Variants in FZD3 observed in about 807,000 individuals in gnomAD.
FZD3 encodes the protein frizzled class receptor 3.
FZD3 carries 30 observed loss-of-function variants against 60.7 expected under a neutral mutation model. That is an observed-to-expected ratio of 0.49 (90% CI 0.37 to 0.67). The LOEUF (loss-of-function observed/expected upper bound fraction) is 0.67, where lower values mean the gene tolerates loss of function less well. Among genes scored for constraint, FZD3 ranks in the 30% least tolerant of loss-of-function variants. The pLI, the probability that FZD3 is intolerant of heterozygous loss-of-function variation, is 0.00. For missense variants in FZD3, 605 were observed against 838.7 expected, an observed-to-expected ratio of 0.72 and a Z score of 3.44; for synonymous variants, 246 against 275.2, an observed-to-expected ratio of 0.89 and a Z score of 1.05.
rs1459107925 is a variant in FZD3, at chr8:28,569,365, CTT to C, written c.*6357_*6358del. On this transcript the variant is annotated 3_prime_UTR_variant, in exon 8 of 8. Transcript: ENST00000240093. ...AAACTTGACTTCTACTCTTGCCTCT[CTT>C]TTGCAGTTAGCTGTGTAACTTTGGA... 6.7e-6 allele frequency: 1 copy of C among 149,912 alleles called. No homozygotes were observed. Among genetic ancestry groups the C allele is most frequent in the Non-Finnish European group, 1.5e-5 (1 of 67,552 alleles). The allele number at this position is 149,912 out of a possible 1,614,324, so 9.3% of individuals were successfully genotyped here. A position where few individuals can be genotyped will look rare whatever the true frequency, so the allele number is the denominator to read the frequency against.
At chr8:28,502,371 A>G (rs997951406) in intron 2 of FZD3, among the ~76,000 whole-genome samples, 1 of 152,210 alleles carries the variant, frequency 6.6e-6, no homozygotes, top group African/African-American at 2.4e-5. Flanking sequence ...TTCAAAATGA[A>G]TCAATTATAT....
intron 3 of FZD3, among the ~76,000 whole-genome samples, chr8:28,507,448 A>T (rs1165761544): frequency 2.0e-5 from 3 of 152,022 alleles, no homozygotes; most frequent in African/African-American, 7.2e-5. Flanking sequence ...TAGCTAACAT[A>T]CTCCTGCCAG....
chr8:28,509,410 T>C (rs930924208), intron 3 of FZD3, among the ~76,000 whole-genome samples: 4 of 152,058 alleles, frequency 2.6e-5, no homozygotes, highest in Admixed American at 6.5e-5. Context: ...GGTTTTTTTT[T>C]CCACTTAATA....
rs139570173 is a variant in FZD3 at position 28,551,739 on chromosome 8, G to T, written c.1541G>T (p.Arg514Leu). The change falls in exon 6 of 8, where the codon CGT (arginine) becomes CTT (leucine). Residue 514 changes from arginine (R) to leucine (L), a missense_variant. Transcript: ENST00000240093. ...GAATGGGCCAGTTTTTTTCATGGTC[G>T]TAGGAAAAAAGAGTAAGTTGAAATA... ...CFEWASFFHG[R>L]RKKEIVNESR... The T allele has an allele frequency of 1.2e-6, 2 of 1,601,444 alleles. No individual in the cohort carries two copies. Among genetic ancestry groups the T allele is most frequent in the Non-Finnish European group, 1.7e-6 (2 of 1,176,746 alleles).
chr8:28,495,634 G>C (rs1803824317), intron 1 of FZD3, among the ~76,000 whole-genome samples: 1 of 152,032 alleles, frequency 6.6e-6, no homozygotes, highest in African/African-American at 2.4e-5. Context: ...ATTAAGAAGT[G>C]GTTACTCCTG....
At chr8:28,508,673 G>A (rs1310741985) in intron 3 of FZD3, among the ~76,000 whole-genome samples, 4 of 148,162 alleles carry the variant, frequency 2.7e-5, no homozygotes, top group Non-Finnish European at 5.9e-5. Flanking sequence ...GCTAATTTTT[G>A]TGTTTTTTGT....
At chr8:28,505,645 C>T (rs1804119396) in intron 3 of FZD3, among the ~76,000 whole-genome samples, 1 of 152,220 alleles carries the variant, frequency 6.6e-6, no homozygotes. Flanking sequence ...GCCACCGCGC[C>T]TGGCTGGAGT....
chr8:28,563,457 C>G lies in FZD3; in HGVS notation c.*446C>G, dbSNP rs1805652359. The G allele has an allele frequency of 6.3e-6, 1 of 159,828 alleles. No homozygotes were observed. The highest frequency in any genetic ancestry group is 2.4e-5 in the African/African-American group (1 of 41,488). 9.9% of individuals were successfully genotyped at this position (159,828 alleles called of 1,614,324 possible). A position where few individuals can be genotyped will look rare whatever the true frequency, so the allele number is the denominator to read the frequency against. On this transcript the variant is annotated 3_prime_UTR_variant, in exon 8 of 8. Transcript: ENST00000240093. ...TTTACTTCTCAGATGAACAGTAGGACTTTGTAGTTTTATTTCCACTAAGTG... is the reference window on the plus strand; with the variant it reads ...TTTACTTCTCAGATGAACAGTAGGAGTTTGTAGTTTTATTTCCACTAAGTG...
intron 3 of FZD3, among the ~76,000 whole-genome samples, chr8:28,512,892 T>G (rs1389205283): frequency 6.6e-6 from 1 of 152,198 alleles, no homozygotes; most frequent in East Asian, 1.9e-4. Flanking sequence ...TTATTAACAT[T>G]TTATGGATAG....
intron 3 of FZD3, among the ~76,000 whole-genome samples, chr8:28,508,504 G>C (rs1416736985): frequency 6.6e-6 from 1 of 150,428 alleles, no homozygotes; most frequent in African/African-American, 2.5e-5. Context: ...ATATTGCAGG[G>C]TGTTGTTTGT....
chr8:28,551,830 A>G, intron 6 of FZD3, 79 bp downstream of exon 6: 3 of 1,135,116 alleles, frequency 2.6e-6, no homozygotes, highest in Non-Finnish European at 3.8e-6. Context: ...TGTTAAAATG[A>G]CTTGGATTTG....
chr8:28,520,842 A>G lies in FZD3; in HGVS notation c.386+8A>G. 6.6e-7 allele frequency: 1 copy of G among 1,525,590 alleles called. No homozygotes were observed. Among genetic ancestry groups the G allele is most frequent in the South Asian group, 1.2e-5 (1 of 80,294 alleles). The allele number at this position is 1,525,590 out of a possible 1,614,324, so 94.5% of individuals were successfully genotyped here. ...AGATATGGAATGCAGTAGGTGCGAAAATCATAGATTTTCATGGATCATTTC... is the reference window on the plus strand; with the variant it reads ...AGATATGGAATGCAGTAGGTGCGAAGATCATAGATTTTCATGGATCATTTC... On this transcript the variant is annotated splice_region_variant and intron_variant, in intron 4 of 7. Coordinates refer to ENST00000240093, the MANE Select transcript of FZD3 (RefSeq NM_017412.4).
intron 5 of FZD3, among the ~76,000 whole-genome samples, chr8:28,533,154 A>C (rs1804922460): frequency 1.3e-5 from 2 of 152,040 alleles, no homozygotes; most frequent in African/African-American, 4.8e-5. Flanking sequence ...TGCTCCTAAT[A>C]AATATGTTCT....
At chr8:28,536,776 C>T (rs999268013) in intron 5 of FZD3, among the ~76,000 whole-genome samples, 4 of 152,102 alleles carry the variant, frequency 2.6e-5, no homozygotes, top group African/African-American at 9.7e-5. Context: ...CACAAGGCAT[C>T]CCATCTGTTG....
At position 28,527,594 on chromosome 8, in the gene FZD3, A is replaced by C. The variant is rs1804749640; in HGVS notation, c.834A>C (p.Thr278=). ...CACAATATAAGGCTTCCACAGTGAC[A>C]CAAGGATCTCATAATAAAGCCTGTA... ...IPAQYKASTV[T]QGSHNKACTM... The change falls in exon 5 of 8, where the codon ACA becomes ACC. Residue 278 remains threonine (T), a synonymous_variant. Coordinates refer to ENST00000240093, the MANE Select transcript of FZD3 (RefSeq NM_017412.4). The surrounding 1 kb of genome is among the most constrained non-coding windows in gnomAD (Gnocchi z 5.0). The C allele has an allele frequency of 6.2e-7, 1 of 1,614,006 alleles. No homozygotes were observed. The highest frequency in any genetic ancestry group is 8.5e-7 in the Non-Finnish European group (1 of 1,179,878).
intron 5 of FZD3, among the ~76,000 whole-genome samples, chr8:28,544,536 T>C (rs1276226763): frequency 6.6e-6 from 1 of 152,222 alleles, no homozygotes; most frequent in Non-Finnish European, 1.5e-5. Context: ...TCTATCATAA[T>C]ATAAATTTAC....
chr8:28,501,739 T>C (rs778490161), intron 2 of FZD3, among the ~76,000 whole-genome samples: 46 of 152,210 alleles, frequency 3.0e-4, no homozygotes, highest in Admixed American at 1.8e-3. Context: ...ATTCTAAAGC[T>C]CTGTGGAAAC....
chr8:28,542,304 G>A lies in FZD3; in HGVS notation c.1405-9299G>A, dbSNP rs1344224095. ...CTTCTGCCTAAATCCCTACTTAAAT[G>A]TCATGTCCTTGAAGAAGCCTTTACT... On this transcript the variant is annotated intron_variant, in intron 5 of 7. Coordinates refer to ENST00000240093, the MANE Select transcript of FZD3 (RefSeq NM_017412.4). Among the ~76,000 whole-genome samples the A allele has an allele frequency of 2.6e-5, 4 of 151,972 alleles. No homozygotes were observed. The East Asian group carries it at 7.7e-4, about 29-fold the overall frequency.
At chr8:28,519,510 G>A (rs1184447003) in intron 3 of FZD3, among the ~76,000 whole-genome samples, 2 of 152,050 alleles carry the variant, frequency 1.3e-5, no homozygotes, top group South Asian at 4.1e-4. Context: ...TGGACAGATC[G>A]CTTGAGCCCA....
Sources: allele counts gnomAD v4.1 joint callset (sites outside exome capture counted in the v4.1 genomes callset), GRCh38; gene constraint gnomAD v4.1.1; non-coding constraint Gnocchi (gnomAD v3.1); transcripts MANE v1.5; gene names NCBI Gene and HGNC (gene_info 2026-07-23, HGNC 2026-07-21).